ETF1: variants seen among roughly 807,000 people sequenced by gnomAD.
ETF1 encodes the protein eukaryotic translation termination factor 1, also known as eukaryotic peptide chain release factor subunit 1.
ETF1 carries 4 observed loss-of-function variants against 55.1 expected under a neutral mutation model. That is an observed-to-expected ratio of 0.07 (90% confidence interval 0.04 to 0.17). The LOEUF (loss-of-function observed/expected upper bound fraction) is 0.17, where lower values mean the gene tolerates loss of function less well. Ranked by LOEUF, ETF1 falls within the 10% of genes least tolerant of loss-of-function variation. ETF1 has a pLI of 1.00. For synonymous variants in ETF1, 157 were observed against 182.3 expected, an observed-to-expected ratio of 0.86 and a Z score of 1.12; for missense variants, 142 against 523.6, an observed-to-expected ratio of 0.27 and a Z score of 7.11.
chr5:138,512,260 T>TTTATATATATATATA (rs58060715), intron 6 of ETF1, among the ~76,000 whole-genome samples: 1 of 15,416 alleles, frequency 6.5e-5, no homozygotes, highest in African/African-American at 2.9e-4. Context: ...ATATATATAT[T>TTTATATATATATATA]TTTTTTTTTT....
Position 138,511,596 on chromosome 5 carries a change from T to C in ETF1, c.741A>G (p.Gln247=), listed in dbSNP as rs375581486. ...SQSDMFDQRL[Q]SKVLKLVDIS... Reference sequence around the variant, plus strand: ...TATCAACTAATTTTAAAACTTTTGATTGTAACCTCTAACACACAAAAAAAA... The same window carrying C: ...TATCAACTAATTTTAAAACTTTTGACTGTAACCTCTAACACACAAAAAAAA... The change falls in exon 7 of 11, where the codon CAA becomes CAG. Residue 247 remains glutamine (Q), a synonymous_variant. Transcript: ENST00000360541. 11 of 1,607,732 alleles carry C rather than the reference T, an allele frequency of 6.8e-6. No homozygotes were observed. The highest frequency in any genetic ancestry group is 1.3e-5 in the African/African-American group (1 of 74,694).
chr5:138,526,411 C>G (rs113381014), intron 2 of ETF1, among the ~76,000 whole-genome samples: 1 of 152,104 alleles, frequency 6.6e-6, no homozygotes, highest in Non-Finnish European at 1.5e-5. Flanking sequence ...ATTTCATAAA[C>G]GTGTACTATA....
chr5:138,530,072 CCAT>C (rs1297274870), intron 2 of ETF1, among the ~76,000 whole-genome samples: 2 of 151,930 alleles, frequency 1.3e-5, no homozygotes, highest in Non-Finnish European at 2.9e-5. Flanking sequence ...TCAATGTTCA[CCAT>C]CATCAACAAT....
chr5:138,542,669 C>T, intron 2 of ETF1, 164 bp downstream of exon 2: 2 of 1,440,632 alleles, frequency 1.4e-6, no homozygotes, highest in Non-Finnish European at 1.8e-6. Context: ...TCGGGCCAAC[C>T]GCGCCGACCC....
At position 138,513,549 on chromosome 5, in the gene ETF1, T is replaced by C. The variant is rs756619047; in HGVS notation, c.541+19A>G. 12 of 1,579,496 alleles carry C rather than the reference T, an allele frequency of 7.6e-6. No homozygotes were observed. The highest frequency in any genetic ancestry group is 1.3e-5 in the African/African-American group (1 of 74,312). ...GCTAGACACAAAGTAAGTGGGTTCA[T>C]GTTCTCCTCCTGTATTACCGTGTTT... is the stretch of plus-strand genomic sequence containing the variant. On this transcript the variant is annotated intron_variant, in intron 5 of 10. Coordinates refer to ENST00000360541, the MANE Select transcript of ETF1 (RefSeq NM_004730.4).
At chr5:138,542,536 A>C in intron 2 of ETF1, 2 of 1,033,172 alleles carry the variant, frequency 1.9e-6, no homozygotes, top group African/African-American at 3.3e-5. Context: ...CCGAAGAGGG[A>C]GGACCTGGAC....
At chr5:138,535,338 C>CT (rs70982720) in intron 2 of ETF1, among the ~76,000 whole-genome samples, 27 of 149,282 alleles carry the variant, frequency 1.8e-4, no homozygotes, top group Admixed American at 2.7e-4. Flanking sequence ...GAATAATTGG[C>CT]TTTTTTTTTT....
At chr5:138,509,588 C>A (rs1414673208) in intron 9 of ETF1, among the ~76,000 whole-genome samples, 1 of 151,910 alleles carries the variant, frequency 6.6e-6, no homozygotes, top group Non-Finnish European at 1.5e-5. Context: ...ACAGCAAGAC[C>A]CCATTTCTAT....
At chr5:138,510,743 T>C in intron 8 of ETF1, 114 bp from the exon 9 acceptor site, 1 of 1,408,642 alleles carries the variant, frequency 7.1e-7, no homozygotes, top group African/African-American at 1.4e-5. Flanking sequence ...TCTCTCAACA[T>C]TTTTTCCATA....
chr5:138,511,190 A>G lies in ETF1; in HGVS notation c.873T>C (p.Phe291=), dbSNP rs1018552078. The G allele has an allele frequency of 3.7e-6, 6 of 1,614,002 alleles. No homozygotes were observed. The highest frequency in any genetic ancestry group is 1.7e-5 in the Admixed American group (1 of 59,984). ...IQEKKLIGRY[F]DEISQDTGKY... ...TGCCCGTGTCCTGGCTGATTTCATC[A>G]AAGTATCGTCCTACGATTAGGGATC... Residue 291 remains phenylalanine, a synonymous_variant, in exon 8 of 11, where the codon TTT becomes TTC. Coordinates refer to ENST00000360541, the MANE Select transcript of ETF1 (RefSeq NM_004730.4).
chr5:138,512,258 A>ATATATATATATATT (rs1484458741), intron 6 of ETF1, among the ~76,000 whole-genome samples: 1 of 20,006 alleles, frequency 5.0e-5, no homozygotes, highest in African/African-American at 1.9e-4. Flanking sequence ...ATATATATAT[A>ATATATATATATATT]TTTTTTTTTT....
At position 138,523,144 on chromosome 5, in the gene ETF1, G is replaced by A. The variant is rs536717142; in HGVS notation, c.87-4277C>T. On this transcript the variant is annotated intron_variant, in intron 2 of 10. Transcript: ENST00000360541. ...AGCATTTCGGGGGGCCAAGGTGGGC[G>A]GATCACGAGGTCAAGAGACCGAGAC... is the stretch of plus-strand genomic sequence containing the variant. Among the ~76,000 whole-genome samples, 29 of 152,182 alleles carry A rather than the reference G, an allele frequency of 1.9e-4. No individual in the cohort carries two copies. The South Asian group carries it at 5.4e-3, about 28-fold the overall frequency.
At chr5:138,513,243 C>T (rs1156633200) in intron 5 of ETF1, 5 of 978,054 alleles carry the variant, frequency 5.1e-6, no homozygotes, top group African/African-American at 3.5e-5. Flanking sequence ...CTCTCTCTCT[C>T]TTTTTTGAGA....
chr5:138,522,998 T>G (rs572818636), intron 2 of ETF1, among the ~76,000 whole-genome samples: 1 of 142,922 alleles, frequency 7.0e-6, no homozygotes, highest in African/African-American at 2.5e-5. Flanking sequence ...AGAGCAAGAC[T>G]CCATCTCAAA....
At chr5:138,519,932 G>A (rs1765169133) in intron 2 of ETF1, among the ~76,000 whole-genome samples, 1 of 149,990 alleles carries the variant, frequency 6.7e-6, no homozygotes, top group African/African-American at 2.5e-5. Flanking sequence ...TCTGATTAAT[G>A]ATGTTGAGCA....
At chr5:138,517,002 T>C (rs1765046634) in intron 4 of ETF1, among the ~76,000 whole-genome samples, 3 of 152,122 alleles carry the variant, frequency 2.0e-5, no homozygotes, top group Admixed American at 2.0e-4. Context: ...TGATGAATGC[T>C]ACCACATGGA....
chr5:138,524,578 G>C (rs998197395), intron 2 of ETF1, among the ~76,000 whole-genome samples: 2 of 132,996 alleles, frequency 1.5e-5, no homozygotes, highest in South Asian at 2.5e-4. Flanking sequence ...ATTTCTTTCC[G>C]TTTTTTGTTT....
At chr5:138,527,672 A>G (rs1430475547) in intron 2 of ETF1, among the ~76,000 whole-genome samples, 1 of 152,210 alleles carries the variant, frequency 6.6e-6, no homozygotes, top group Non-Finnish European at 1.5e-5. Context: ...ACGAAGAGAT[A>G]AAAGATGGGG....
intron 6 of ETF1, 64 bp downstream of exon 6, chr5:138,512,698 TCA>T (rs1488017847): frequency 1.4e-6 from 2 of 1,402,328 alleles, no homozygotes; most frequent in South Asian, 1.4e-5. Context: ...GTTCCAGTGC[TCA>T]CACAGAGGAC....
Sources: allele counts gnomAD v4.1 joint callset (sites outside exome capture counted in the v4.1 genomes callset), GRCh38; gene constraint gnomAD v4.1.1; transcripts MANE v1.5; gene names NCBI Gene and HGNC (gene_info 2026-07-23, HGNC 2026-07-21).